The following ARHGEF26 variants were observed in gnomAD, a reference collection of about 807,000 sequenced individuals.
ARHGEF26 encodes the protein Rho guanine nucleotide exchange factor (GEF) 26.
In ARHGEF26, 59 loss-of-function variants were observed where a neutral mutation model predicts 89.4. The ratio of observed to expected loss-of-function variants is 0.66; its 90% CI spans 0.54 to 0.82. ARHGEF26 has a LOEUF of 0.82. Among genes scored for constraint, ARHGEF26 ranks in the 40% least tolerant of loss-of-function variants. ARHGEF26 has a pLI of 0.00. For missense variants in ARHGEF26, 1,234 were observed against 1,085.6 expected (o/e 1.14, Z -1.92); for synonymous variants, 500 against 428.4 (o/e 1.17, Z -2.06).
In ARHGEF26 at chr3:154,205,222, C is replaced by G. The variant is rs74645924; in HGVS notation, c.1845+10504C>G. Among the ~76,000 whole-genome samples the G allele has an allele frequency of 3.7e-3, 559 of 152,056 alleles. 4 individuals carry two copies. Among genetic ancestry groups the G allele is most frequent in the Admixed American group, 6.8e-3 (104 of 15,252 alleles). On this transcript the variant is annotated intron_variant, in intron 9 of 14. Coordinates refer to ENST00000465093, the MANE Select transcript of ARHGEF26 (RefSeq NM_015595.4). ...CATATATATTTAATATTATTATATC[C>G]TCTTGCTGAATTGACCTCATTATCA...
chr3:154,253,041 T>G, intron 12 of ARHGEF26, 75 bp from the exon 13 acceptor site: 1 of 1,548,586 alleles, frequency 6.5e-7, no homozygotes, highest in Non-Finnish European at 8.9e-7. Flanking sequence ...TGCCTTTGCA[T>G]TGGCTGCCTA....
At chr3:154,249,430 A>C (rs1032956062) in intron 12 of ARHGEF26, among the ~76,000 whole-genome samples, 1 of 152,246 alleles carries the variant, frequency 6.6e-6, no homozygotes, top group African/African-American at 2.4e-5. Context: ...ATTTCATGCC[A>C]TGCATGGAGA....
rs751405553 is a variant in ARHGEF26 at position 154,240,495 on chromosome 3, G to T, written c.2216G>T (p.Ser739Ile). The T allele has an allele frequency of 3.1e-6, 5 of 1,613,268 alleles. No individual in the cohort carries two copies. The Admixed American group carries it at 8.3e-5, about 27-fold the overall frequency. ...TCCACAATGCTCTATTCAAGACAGAGCTCTGCCAGTCACCTCTTTACTCTG... is the reference window on the plus strand; with the variant it reads ...TCCACAATGCTCTATTCAAGACAGATCTCTGCCAGTCACCTCTTTACTCTG... ...NSSTMLYSRQ[S>I]SASHLFTLTV... The change falls in exon 12 of 15, where the codon AGC (serine) becomes ATC (isoleucine). Residue 739 changes from serine to isoleucine, a missense_variant. Ser to Ile is a moderately radical substitution (Grantham distance 142). Transcript: ENST00000465093.
intron 10 of ARHGEF26, among the ~76,000 whole-genome samples, chr3:154,218,576 G>A (rs944222482): frequency 6.6e-6 from 1 of 152,196 alleles, no homozygotes; most frequent in African/African-American, 2.4e-5. Context: ...AATGGGAAGT[G>A]AGTGCTCACG....
intron 4 of ARHGEF26, among the ~76,000 whole-genome samples, 184 bp from the exon 5 acceptor site, chr3:154,149,205 G>A (rs1414246440): frequency 1.4e-5 from 2 of 147,736 alleles, no homozygotes; most frequent in Admixed American, 6.9e-5. Flanking sequence ...ATATTGTCTG[G>A]CACACTATAA....
intron 9 of ARHGEF26, among the ~76,000 whole-genome samples, chr3:154,199,849 T>G (rs1559893538): frequency 6.6e-6 from 1 of 152,150 alleles, no homozygotes; most frequent in African/African-American, 2.4e-5. Flanking sequence ...TGTTTGCCAT[T>G]TGTATGTCTT....
intron 11 of ARHGEF26, among the ~76,000 whole-genome samples, chr3:154,227,576 C>T (rs1716570761): frequency 6.6e-6 from 1 of 152,144 alleles, no homozygotes; most frequent in African/African-American, 2.4e-5. Context: ...CCACTGCGCC[C>T]AGCCGTAAAT....
Position 154,255,295 on chromosome 3 carries a change from CTTG to C in ARHGEF26, c.2474-30_2474-28del, listed in dbSNP as rs776710278. 1.1e-5 allele frequency: 17 copies of C among 1,594,030 alleles called. 1 individual carries two copies. Among genetic ancestry groups the C allele is most frequent in the South Asian group, 6.8e-5 (6 of 88,344 alleles). On this transcript the variant is annotated intron_variant, in intron 14 of 14. Transcript: ENST00000465093. ...CTTGGAGCCTGGCACACTCCAAATA[CTTG>C]TTGTTTGGTGTGGACTCTGTTCTTT...
intron 6 of ARHGEF26, among the ~76,000 whole-genome samples, chr3:154,184,673 C>T (rs187123061): frequency 6.6e-6 from 1 of 152,290 alleles, no homozygotes; most frequent in African/African-American, 2.4e-5. Flanking sequence ...TTTCCCACTA[C>T]CAGGCTTTAT....
chr3:154,164,071 A>C (rs866714019), intron 6 of ARHGEF26, among the ~76,000 whole-genome samples: 2 of 152,190 alleles, frequency 1.3e-5, no homozygotes, highest in South Asian at 4.1e-4. Flanking sequence ...TTTGGTCTAA[A>C]AAATCTGTTT....
At chr3:154,188,929 T>C (rs1230510737) in intron 7 of ARHGEF26, among the ~76,000 whole-genome samples, 1 of 152,104 alleles carries the variant, frequency 6.6e-6, no homozygotes, top group Non-Finnish European at 1.5e-5. Flanking sequence ...ACTGGATAAG[T>C]CTTTGTGGTG....
At chr3:154,160,554 C>G (rs572061764) in intron 6 of ARHGEF26, among the ~76,000 whole-genome samples, 29 of 152,130 alleles carry the variant, frequency 1.9e-4, no homozygotes, top group Non-Finnish European at 2.4e-4. Context: ...TATTTTGGAA[C>G]CTGAAAAACC....
chr3:154,167,084 A>T (rs971281962), intron 6 of ARHGEF26, among the ~76,000 whole-genome samples: 1 of 152,192 alleles, frequency 6.6e-6, no homozygotes, highest in African/African-American at 2.4e-5. Context: ...TTCTTTATGT[A>T]GTTTCTTCTA....
intron 6 of ARHGEF26, among the ~76,000 whole-genome samples, chr3:154,155,823 A>C (rs1332355601): frequency 2.6e-5 from 4 of 151,970 alleles, no homozygotes; most frequent in Admixed American, 6.6e-5. Flanking sequence ...AACTGAAGGA[A>C]AATTCTAAAA....
intron 6 of ARHGEF26, among the ~76,000 whole-genome samples, chr3:154,173,610 A>T (rs1712608125): frequency 6.6e-6 from 1 of 152,204 alleles, no homozygotes; most frequent in African/African-American, 2.4e-5. Flanking sequence ...AGGTTAATGA[A>T]AGCTGGCATT....
At position 154,240,579 on chromosome 3, in the gene ARHGEF26, A is replaced by G. The variant is rs761878898; in HGVS notation, c.2300A>G (p.Gln767Arg). 7 of 1,604,490 alleles carry G rather than the reference A, an allele frequency of 4.4e-6. No individual in the cohort carries two copies. Among genetic ancestry groups the G allele is most frequent in the East Asian group, 2.2e-5 (1 of 44,720 alleles). Residue 767 changes from glutamine (Q) to arginine (R), a missense_variant and splice_region_variant, in exon 12 of 15, where the codon CAG (glutamine) becomes CGG (arginine). Transcript: ENST00000465093. Reference sequence around the variant, plus strand: ...GAGATGCTACTAGGAGCTGAGACGCAGTAAGTATATGTGGGGAAAAGATTG... The same window carrying G: ...GAGATGCTACTAGGAGCTGAGACGCGGTAAGTATATGTGGGGAAAAGATTG... ...KVEMLLGAETQSERARWITAL... is the reference protein window; with the variant it reads ...KVEMLLGAETRSERARWITAL...
chr3:154,233,903 G>C (rs570989333), intron 11 of ARHGEF26, among the ~76,000 whole-genome samples: 97 of 152,162 alleles, frequency 6.4e-4, no homozygotes, highest in African/African-American at 2.2e-3. Flanking sequence ...TATTTTTTTC[G>C]GGACAGAAAA....
At chr3:154,206,175 A>T (rs550911511) in intron 9 of ARHGEF26, among the ~76,000 whole-genome samples, 1 of 152,184 alleles carries the variant, frequency 6.6e-6, no homozygotes, top group South Asian at 2.1e-4. Context: ...TTATGGTAAA[A>T]GTTTTTTGCC....
chr3:154,162,520 G>T lies in ARHGEF26; in HGVS notation c.1487+9588G>T, dbSNP rs531979985. On this transcript the variant is annotated intron_variant, in intron 6 of 14. Transcript: ENST00000465093. ...CCAAATCCTTGAGTAATGTTGTTTT[G>T]CTATAATGTTGATGAGGGGAAAAAT... 6.6e-4 allele frequency among the ~76,000 whole-genome samples: 101 copies of T among 152,152 alleles called. No homozygotes were observed. In the Middle Eastern group the frequency reaches 0.017, roughly 26 times the overall value.
Sources: allele counts gnomAD v4.1 joint callset (sites outside exome capture counted in the v4.1 genomes callset), GRCh38; gene constraint gnomAD v4.1.1; transcripts MANE v1.5; gene names NCBI Gene and HGNC (gene_info 2026-07-23, HGNC 2026-07-21).